Variants in SPOCK3 observed in about 807,000 individuals in gnomAD.
SPOCK3 encodes the protein testican-3.
SPOCK3 carries 30 observed loss-of-function variants against 56.6 expected under a neutral mutation model. That is an observed-to-expected ratio of 0.53 (90% CI 0.40 to 0.72). SPOCK3 has a LOEUF of 0.72. SPOCK3 is among the 30% of genes least tolerant of loss of function. The pLI, the probability that SPOCK3 is intolerant of heterozygous loss-of-function variation, is 0.00. For missense variants in SPOCK3, 527 were observed against 530.0 expected (o/e 0.99, Z 0.06); for synonymous variants, 196 against 183.3 (o/e 1.07, Z -0.56).
At chr4:167,004,025 T>C (rs759423207) in intron 3 of SPOCK3, among the ~76,000 whole-genome samples, 4 of 152,216 alleles carry the variant, frequency 2.6e-5, no homozygotes, top group Non-Finnish European at 5.9e-5. Context: ...CCCACCATTA[T>C]GGGCTGGATG....
intron 7 of SPOCK3, among the ~76,000 whole-genome samples, chr4:166,779,435 C>A (rs1739925587): frequency 1.3e-5 from 2 of 151,396 alleles, no homozygotes; most frequent in Admixed American, 6.6e-5. Context: ...TAGAAACTAA[C>A]AGTAGAGAAA....
rs1444678664 is a variant in SPOCK3 at position 167,205,237 on chromosome 4, A to ATATATTATATATTATATATATTTTATAT, written c.189+28747_189+28748insATATAAAATATATATAATATATAATATA. Among the ~76,000 whole-genome samples the ATATATTATATATTATATATATTTTATAT allele has an allele frequency of 2.2e-3, 192 of 88,824 alleles. 6 individuals carry two copies. Among genetic ancestry groups the ATATATTATATATTATATATATTTTATAT allele is most frequent in the Non-Finnish European group, 3.3e-3 (159 of 48,718 alleles). The allele number at this position is 88,824 out of a possible 152,430, so 58.3% of individuals were successfully genotyped here. A position where few individuals can be genotyped will look rare whatever the true frequency, so the allele number is the denominator to read the frequency against. On this transcript the variant is annotated intron_variant, in intron 2 of 10. Transcript: ENST00000357545. ...ATATTATATATTTTATATCTATAAT[A>ATATATTATATATTATATATATTTTATAT]CATATTATATATTATATATATTTTA...
chr4:167,225,180 A>C lies in SPOCK3; in HGVS notation c.189+8805T>G, dbSNP rs1000219968. On this transcript the variant is annotated intron_variant, in intron 2 of 10. Coordinates refer to ENST00000357545, the MANE Select transcript of SPOCK3 (RefSeq NM_001040159.2). ...AGATTATTATTATTTATTCAACATG[A>C]TGCTTTTAAAACCAATAAATGAACT... Among the ~76,000 whole-genome samples, 6 of 152,308 alleles carry C rather than the reference A, an allele frequency of 3.9e-5. No individual in the cohort carries two copies. The South Asian group carries it at 1.0e-3, about 26-fold the overall frequency.
chr4:166,818,950 T>C lies in SPOCK3; in HGVS notation c.590-26661A>G, dbSNP rs1159376203. Among the ~76,000 whole-genome samples the C allele has an allele frequency of 2.0e-5, 3 of 152,018 alleles. No homozygotes were observed. In the East Asian group the frequency reaches 5.8e-4, roughly 29 times the overall value. ...CTAGACTTTTTAATAATTTGAGACA[T>C]AAAAGTCTATTCCCACACATTGTAT... is the stretch of plus-strand genomic sequence containing the variant. On this transcript the variant is annotated intron_variant, in intron 6 of 10. Transcript: ENST00000357545.
chr4:166,954,822 C>T (rs769914814), intron 4 of SPOCK3, among the ~76,000 whole-genome samples: 1 of 152,168 alleles, frequency 6.6e-6, no homozygotes, highest in Non-Finnish European at 1.5e-5. Flanking sequence ...CTCCATCCCC[C>T]ACCCGCAGGT....
chr4:166,931,091 C>T (rs898183156), intron 4 of SPOCK3, among the ~76,000 whole-genome samples: 4 of 152,160 alleles, frequency 2.6e-5, no homozygotes, highest in Non-Finnish European at 5.9e-5. Context: ...AAGCAATTCT[C>T]CTGCTTCAGC....
intron 2 of SPOCK3, among the ~76,000 whole-genome samples, chr4:167,142,136 G>A (rs1363626214): frequency 6.6e-6 from 1 of 151,972 alleles, no homozygotes; most frequent in Non-Finnish European, 1.5e-5. Flanking sequence ...GACATGAAAA[G>A]TCTCCAAACT....
At chr4:167,098,365 C>T (rs1324695434) in intron 2 of SPOCK3, among the ~76,000 whole-genome samples, 1 of 151,888 alleles carries the variant, frequency 6.6e-6, no homozygotes, top group Non-Finnish European at 1.5e-5. Flanking sequence ...TCTTCATTCA[C>T]TCTCCAACAA....
chr4:167,172,487 T>C (rs72699690), intron 2 of SPOCK3, among the ~76,000 whole-genome samples: 1,819 of 152,306 alleles, frequency 0.012, 14 homozygotes, highest in Non-Finnish European at 0.02. Flanking sequence ...TTTATTAAAA[T>C]AGGATTCCTA....
chr4:167,015,633 A>C (rs1026487296), intron 3 of SPOCK3, among the ~76,000 whole-genome samples: 1 of 152,140 alleles, frequency 6.6e-6, no homozygotes, highest in African/African-American at 2.4e-5. Context: ...TTTCCAATTA[A>C]TATCGCTGCT....
intron 3 of SPOCK3, among the ~76,000 whole-genome samples, chr4:167,062,011 G>A (rs1174407201): frequency 6.6e-6 from 1 of 151,780 alleles, no homozygotes; most frequent in African/African-American, 2.4e-5. Context: ...AGGAGGTGGG[G>A]AAGCCCTAAT....
intron 8 of SPOCK3, among the ~76,000 whole-genome samples, chr4:166,749,601 CG>C (rs1327384920): frequency 1.3e-5 from 2 of 151,152 alleles, no homozygotes; most frequent in Non-Finnish European, 2.9e-5. Flanking sequence ...CAAACCTGCA[CG>C]TTGTGCACAT....
intron 2 of SPOCK3, among the ~76,000 whole-genome samples, chr4:167,083,756 A>C (rs1367882176): frequency 1.3e-5 from 2 of 152,118 alleles, no homozygotes; most frequent in Non-Finnish European, 2.9e-5. Context: ...GATTATAGAA[A>C]CTTATACAAG....
At chr4:166,923,894 A>G (rs530372876) in intron 4 of SPOCK3, among the ~76,000 whole-genome samples, 1 of 152,340 alleles carries the variant, frequency 6.6e-6, no homozygotes, top group South Asian at 2.1e-4. Context: ...AAAATTAAAA[A>G]TGGCAGGCAT....
At chr4:167,118,889 AT>A (rs1229218796) in intron 2 of SPOCK3, among the ~76,000 whole-genome samples, 1 of 151,884 alleles carries the variant, frequency 6.6e-6, no homozygotes. Context: ...CAACTTTCCC[AT>A]TTTCATCCCC....
intron 2 of SPOCK3, among the ~76,000 whole-genome samples, chr4:167,151,212 AT>A (rs1764386893): frequency 6.6e-6 from 1 of 152,098 alleles, no homozygotes; most frequent in Non-Finnish European, 1.5e-5. Context: ...TTTTGGGGTG[AT>A]TGCAACGCGT....
intron 4 of SPOCK3, among the ~76,000 whole-genome samples, chr4:166,918,808 G>A (rs1029198509): frequency 6.6e-6 from 1 of 152,120 alleles, no homozygotes; most frequent in African/African-American, 2.4e-5. Flanking sequence ...GTGGGGCCTG[G>A]GGGAAGGTGT....
intron 2 of SPOCK3, among the ~76,000 whole-genome samples, chr4:167,115,107 A>G (rs1761223874): frequency 6.6e-6 from 1 of 152,172 alleles, no homozygotes; most frequent in South Asian, 2.1e-4. Flanking sequence ...CTAACAGATT[A>G]GATTCAACCA....
rs191295968 is a variant in SPOCK3, at chr4:167,024,151, G to T, written c.236-23688C>A. On this transcript the variant is annotated intron_variant, in intron 3 of 10. Transcript: ENST00000357545. Reference sequence around the variant, plus strand: ...TTTTCTCTGTTGCTAGATCCTGGGTGCTTCACCATCCTTTCTTGGATCCCT... The same window carrying T: ...TTTTCTCTGTTGCTAGATCCTGGGTTCTTCACCATCCTTTCTTGGATCCCT... Among the ~76,000 whole-genome samples, 896 of 152,054 alleles carry T rather than the reference G, an allele frequency of 5.9e-3. 13 individuals carry two copies. The highest frequency in any genetic ancestry group is 0.02 in the African/African-American group (850 of 41,518).
Sources: allele counts gnomAD v4.1 joint callset (sites outside exome capture counted in the v4.1 genomes callset), GRCh38; gene constraint gnomAD v4.1.1; transcripts MANE v1.5; gene names NCBI Gene and HGNC (gene_info 2026-07-23, HGNC 2026-07-21).